Variants in TRAPPC12 observed in about 807,000 individuals in gnomAD.
The protein encoded by TRAPPC12 is TPR repeat protein 15.
In TRAPPC12, 61 loss-of-function variants were observed where a neutral mutation model predicts 69.2. The observed-to-expected ratio is 0.88, with a 90% CI of 0.72 to 1.09. The LOEUF is 1.09. TRAPPC12 is among the 50% of genes least tolerant of loss of function. The probability of loss-of-function intolerance (pLI) is 0.00; values close to 1 mark genes in which losing one functional copy is unlikely to be tolerated. For synonymous variants in TRAPPC12, 469 were observed against 438.9 expected (o/e 1.07, Z -0.86); for missense variants, 1,101 against 1,016.4 (o/e 1.08, Z -1.13).
In TRAPPC12 at chr2:3,420,828, T is replaced by TAC. The variant is rs1166552437; in HGVS notation, c.1165-1051_1165-1050dup. Among the ~76,000 whole-genome samples the TAC allele has an allele frequency of 2.0e-5, 3 of 152,306 alleles. No homozygotes were observed. The South Asian group carries it at 6.2e-4, about 32-fold the overall frequency. On this transcript the variant is annotated intron_variant, in intron 3 of 11. Transcript: ENST00000324266. ...GGAGTAGTGCGTGTGTGAGTTAGTA[T>TAC]ACAGAAGAAGTGTGTGGCAGGCTCT...
intron 2 of TRAPPC12, 63 bp from the exon 3 acceptor site, chr2:3,401,714 C>A: frequency 8.8e-7 from 1 of 1,131,112 alleles, no homozygotes; most frequent in Non-Finnish European, 1.2e-6. Flanking sequence ...GTTATGGGTT[C>A]TGGTTAGCTG....
chr2:3,458,075 G>T (rs1665273696), intron 7 of TRAPPC12: 3 of 1,034,772 alleles, frequency 2.9e-6, no homozygotes, highest in Non-Finnish European at 3.5e-6. Flanking sequence ...AGGCCTCTGC[G>T]TCGGGGACAG....
intron 9 of TRAPPC12, among the ~76,000 whole-genome samples, chr2:3,473,808 C>T (rs891242442): frequency 1.1e-4 from 16 of 152,236 alleles, no homozygotes; most frequent in African/African-American, 3.6e-4. Flanking sequence ...ACCTATGCTT[C>T]TGTGACTAAA....
At chr2:3,422,233 A>T (rs1287286992) in intron 4 of TRAPPC12, among the ~76,000 whole-genome samples, 1 of 152,140 alleles carries the variant, frequency 6.6e-6, no homozygotes, top group African/African-American at 2.4e-5. Flanking sequence ...TCATGGTGGA[A>T]CCGGCATGGC....
intron 5 of TRAPPC12, among the ~76,000 whole-genome samples, chr2:3,427,048 G>T (rs1296800137): frequency 6.6e-6 from 1 of 152,232 alleles, no homozygotes; most frequent in Non-Finnish European, 1.5e-5. Context: ...GTGAAGAAAA[G>T]ATGGAAAGGT....
At chr2:3,427,995 G>A (rs891567474) in intron 5 of TRAPPC12, among the ~76,000 whole-genome samples, 2 of 152,070 alleles carry the variant, frequency 1.3e-5, no homozygotes, top group African/African-American at 4.8e-5. Context: ...ACAGTGTGCT[G>A]AAGACTCCGT....
intron 3 of TRAPPC12, among the ~76,000 whole-genome samples, chr2:3,419,142 C>A (rs1046689755): frequency 2.0e-5 from 3 of 152,178 alleles, no homozygotes; most frequent in African/African-American, 7.2e-5. Context: ...CCTGTCCTCA[C>A]TGTAGGTCAT....
At chr2:3,470,365 G>A (rs1197349846) in intron 9 of TRAPPC12, among the ~76,000 whole-genome samples, 1 of 152,264 alleles carries the variant, frequency 6.6e-6, no homozygotes, top group Non-Finnish European at 1.5e-5. Context: ...GCGTCCCAGG[G>A]CGCTGCTGTG....
chr2:3,459,817 A>G (rs895606721), intron 7 of TRAPPC12: 5 of 280,898 alleles, frequency 1.8e-5, no homozygotes, highest in Middle Eastern at 1.3e-3. Context: ...ATGGCTGGGC[A>G]TGGGTGGGGC....
At chr2:3,389,229 C>T (rs1276589243) in intron 2 of TRAPPC12, among the ~76,000 whole-genome samples, 2 of 152,222 alleles carry the variant, frequency 1.3e-5, no homozygotes, top group Non-Finnish European at 2.9e-5. Context: ...CCGTGGTCGG[C>T]GATGCCCCTG....
intron 3 of TRAPPC12, among the ~76,000 whole-genome samples, chr2:3,420,118 C>T (rs1333897589): frequency 2.6e-5 from 4 of 152,210 alleles, no homozygotes; most frequent in Non-Finnish European, 5.9e-5. Flanking sequence ...CTAGAGGCAA[C>T]CAAGGGGTCC....
At chr2:3,475,086 A>G (rs1481161178) in intron 9 of TRAPPC12, among the ~76,000 whole-genome samples, 3 of 151,948 alleles carry the variant, frequency 2.0e-5, no homozygotes, top group Middle Eastern at 3.2e-3. Flanking sequence ...GGATTAGTTT[A>G]TACACTGTTT....
intron 3 of TRAPPC12, chr2:3,421,623 T>G: frequency 1.4e-6 from 1 of 689,676 alleles, no homozygotes; most frequent in Non-Finnish European, 2.7e-6. Context: ...GGTTGTTGAA[T>G]TGTAATGTTT....
chr2:3,470,865 C>G (rs748202760), intron 9 of TRAPPC12, among the ~76,000 whole-genome samples: 9 of 152,104 alleles, frequency 5.9e-5, no homozygotes, highest in Non-Finnish European at 1.3e-4. Context: ...ATAAAGGAAC[C>G]ATGCTAACTC....
In TRAPPC12 at chr2:3,387,949, G is replaced by T; in HGVS notation, c.326G>T (p.Ser109Ile). 6.7e-7 allele frequency: 1 copy of T among 1,493,992 alleles called. No individual in the cohort carries two copies. Among genetic ancestry groups the T allele is most frequent in the Non-Finnish European group, 8.9e-7 (1 of 1,125,324 alleles). 92.5% of individuals were successfully genotyped at this position (1,493,992 alleles called of 1,614,324 possible). The change falls in exon 2 of 12, where the codon AGT becomes ATT. Residue 109 changes from serine to isoleucine, a missense_variant. Ser to Ile is a moderately radical substitution (Grantham distance 142). Coordinates refer to ENST00000324266, the MANE Select transcript of TRAPPC12 (RefSeq NM_016030.6). ...DPGPEPAGTP[S>I]PSGEADGDCA... is the part of the protein sequence containing the mutation. The stretch of plus-strand genomic sequence containing the variant: ...GGCCCGGAGCCCGCGGGCACCCCGA[G>T]TCCCAGCGGCGAGGCCGACGGCGAC...
chr2:3,456,839 A>G (rs1665179380), intron 6 of TRAPPC12: 1 of 271,678 alleles, frequency 3.7e-6, no homozygotes, highest in South Asian at 3.2e-5. Context: ...TCGGCCTCCC[A>G]AGGTGTTGGG....
intron 4 of TRAPPC12, among the ~76,000 whole-genome samples, chr2:3,423,477 A>G (rs1366283810): frequency 2.6e-5 from 4 of 151,984 alleles, no homozygotes; most frequent in African/African-American, 7.3e-5. Context: ...TTTGACTAAC[A>G]TCTCTCAAAC....
chr2:3,393,557 T>G (rs1037152388), intron 2 of TRAPPC12, among the ~76,000 whole-genome samples: 1 of 152,146 alleles, frequency 6.6e-6, no homozygotes, highest in Non-Finnish European at 1.5e-5. Context: ...TGTTAATTAT[T>G]TCGACTTTGG....
intron 6 of TRAPPC12, among the ~76,000 whole-genome samples, chr2:3,446,700 G>A (rs1206615158): frequency 3.3e-5 from 5 of 152,244 alleles, no homozygotes; most frequent in Non-Finnish European, 2.9e-5. Flanking sequence ...GCGTCTCCAC[G>A]CTGTCCAGAA....
Sources: gnomAD v4.1 joint callset for allele counts (sites outside exome capture counted in the v4.1 genomes callset) on GRCh38, gnomAD v4.1.1 for gene constraint, MANE v1.5 for transcripts, NCBI Gene and HGNC (gene_info 2026-07-23, HGNC 2026-07-21) for gene names.